PRDM16: variants seen among roughly 807,000 people sequenced by gnomAD.
The protein encoded by PRDM16 is PR/SET domain 16.
In PRDM16, 23 loss-of-function variants were observed where a neutral mutation model predicts 110.6. That is an observed-to-expected ratio of 0.21 (90% CI 0.15 to 0.29). The LOEUF (loss-of-function observed/expected upper bound fraction) is 0.29, where lower values mean the gene tolerates loss of function less well. Among genes scored for constraint, PRDM16 ranks in the 10% least tolerant of loss-of-function variants. PRDM16 has a pLI of 1.00. For missense variants in PRDM16, 1,615 were observed against 1,794.3 expected (o/e 0.90, Z 1.81); for synonymous variants, 799 against 781.8 (o/e 1.02, Z -0.37).
chr1:3,335,440 G>A (rs138795183), intron 3 of PRDM16, among the ~76,000 whole-genome samples: 4 of 152,154 alleles, frequency 2.6e-5, no homozygotes, highest in African/African-American at 9.7e-5. Flanking sequence ...TCCTTAGCCC[G>A]GTCGCGTTAG....
chr1:3,090,891 G>T (rs1642261267), intron 1 of PRDM16, among the ~76,000 whole-genome samples: 1 of 152,188 alleles, frequency 6.6e-6, no homozygotes, highest in South Asian at 2.1e-4. Flanking sequence ...AGAATCTCCA[G>T]GACCTGCTTC....
intron 3 of PRDM16, among the ~76,000 whole-genome samples, chr1:3,327,797 C>G (rs906080822): frequency 6.6e-5 from 10 of 152,202 alleles, no homozygotes; most frequent in Non-Finnish European, 1.5e-4. Context: ...CATGGGGGTC[C>G]CAGAGCCTCA....
chr1:3,316,707 T>C (rs116913227), intron 3 of PRDM16, among the ~76,000 whole-genome samples: 48 of 140,090 alleles, frequency 3.4e-4, no homozygotes, highest in East Asian at 2.5e-3. Flanking sequence ...AACAGTGACA[T>C]AGTGGAGCCA....
chr1:3,134,374 T>C (rs35848773), intron 1 of PRDM16, among the ~76,000 whole-genome samples: 19,891 of 152,288 alleles, frequency 0.13, 1,749 homozygotes, highest in East Asian at 0.24. Flanking sequence ...GCAGCAGGCA[T>C]GGCACGGGCA....
intron 4 of PRDM16, among the ~76,000 whole-genome samples, chr1:3,387,095 G>GTTTC (rs1179377182): frequency 6.6e-6 from 1 of 152,174 alleles, no homozygotes; most frequent in African/African-American, 2.4e-5. Context: ...AGCCAACTGT[G>GTTTC]TTTCCATGGT....
chr1:3,221,658 G>A (rs1187124247), intron 2 of PRDM16, among the ~76,000 whole-genome samples: 2 of 152,128 alleles, frequency 1.3e-5, no homozygotes, highest in African/African-American at 2.4e-5. Context: ...ATGCCTGCCC[G>A]GCCCTGAAAT....
intron 1 of PRDM16, among the ~76,000 whole-genome samples, chr1:3,078,893 T>C (rs1159762793): frequency 5.3e-5 from 8 of 152,250 alleles, no homozygotes; most frequent in Non-Finnish European, 1.0e-4. Flanking sequence ...GGGGAACGCA[T>C]TGAAAAATGC....
chr1:3,325,864 C>T (rs1641878154), intron 3 of PRDM16, among the ~76,000 whole-genome samples: 1 of 151,668 alleles, frequency 6.6e-6, no homozygotes. Flanking sequence ...CTTAGCGGTT[C>T]TCAGTGAGCC....
Position 3,243,445 on chromosome 1 carries a change from C to A in PRDM16, c.388-642C>A, listed in dbSNP as rs973101635. 6.6e-6 allele frequency among the ~76,000 whole-genome samples: 1 copy of A among 152,198 alleles called. No homozygotes were observed. The highest frequency in any genetic ancestry group is 1.5e-5 in the Non-Finnish European group (1 of 68,028). ...CTCCCTCCAGCACCCACCAAGCCAC[C>A]CTTCCGCAGGGCGTTGGCCGACCTC... On this transcript the variant is annotated intron_variant, in intron 2 of 16. Transcript: ENST00000270722. The surrounding 1 kb of genome is among the most constrained non-coding windows in gnomAD (Gnocchi z 5.5).
chr1:3,205,340 G>A (rs1013788451), intron 2 of PRDM16, among the ~76,000 whole-genome samples: 5 of 152,102 alleles, frequency 3.3e-5, no homozygotes, highest in Non-Finnish European at 5.9e-5. Context: ...TCAGCCATCC[G>A]GTCACTCCAC....
chr1:3,369,823 C>T (rs1642878459), intron 3 of PRDM16, among the ~76,000 whole-genome samples: 2 of 152,232 alleles, frequency 1.3e-5, no homozygotes, highest in African/African-American at 4.8e-5. Flanking sequence ...ACCAAGAATC[C>T]TTTGCCAATG....
At chr1:3,386,530 T>C (rs549189773) in intron 4 of PRDM16, 1 of 152,350 alleles carries the variant, frequency 6.6e-6, no homozygotes, top group Non-Finnish European at 1.5e-5. Flanking sequence ...GAATCTACGC[T>C]ACTACCAGGA....
At position 3,409,847 on chromosome 1, in the gene PRDM16, G is replaced by GTGTGGGTGT. The variant is rs1553175985; in HGVS notation, c.1187-1537_1187-1536insTGTGGGTGT. 9.6e-5 allele frequency among the ~76,000 whole-genome samples: 5 copies of GTGTGGGTGT among 51,924 alleles called. No homozygotes were observed. In the East Asian group the frequency reaches 1.8e-3, roughly 19 times the overall value. 34.1% of individuals were successfully genotyped at this position (51,924 alleles called of 152,430 possible). ...TGGTTGTGTGTGGGTGTGTGGTGTGGGTGTGTGTGTGGTGTTTGTGTGCAT... is the reference window on the plus strand; with the variant it reads ...TGGTTGTGTGTGGGTGTGTGGTGTGGTGTGGGTGTGTGTGTGTGTGGTGTTTGTGTGCAT... On this transcript the variant is annotated intron_variant, in intron 8 of 16. Transcript: ENST00000270722.
At chr1:3,156,204 G>A (rs549561223) in intron 1 of PRDM16, among the ~76,000 whole-genome samples, 1 of 152,088 alleles carries the variant, frequency 6.6e-6, no homozygotes, top group East Asian at 1.9e-4. Context: ...TGAGGGTCCC[G>A]GGCTGCTCTG....
rs536843505 is a variant in PRDM16 at position 3,438,172 on chromosome 1, G to GCTT, written c.*4364_*4366dup. On this transcript the variant is annotated 3_prime_UTR_variant, in exon 17 of 17. Transcript: ENST00000270722. ...CCCATGTCCCCCTTGATTGTAAATTGCTTCTGTTCTGTTTATAAGTAAACT... is the reference window on the plus strand; with the variant it reads ...CCCATGTCCCCCTTGATTGTAAATTGCTTCTTCTGTTCTGTTTATAAGTAAACT... The GCTT allele has an allele frequency of 1.3e-4, 27 of 204,446 alleles. No homozygotes were observed. The South Asian group carries it at 3.0e-3, about 23-fold the overall frequency. 12.7% of individuals were successfully genotyped at this position (204,446 alleles called of 1,614,324 possible). A position where few individuals can be genotyped will look rare whatever the true frequency, so the allele number is the denominator to read the frequency against.
intron 1 of PRDM16, among the ~76,000 whole-genome samples, chr1:3,094,055 T>C (rs1642336373): frequency 6.6e-6 from 1 of 152,194 alleles, no homozygotes; most frequent in African/African-American, 2.4e-5. Flanking sequence ...AGCAACGTGG[T>C]CTGGGGAAAG....
At chr1:3,185,469 C>A (rs1644256570) in intron 1 of PRDM16, among the ~76,000 whole-genome samples, 1 of 152,118 alleles carries the variant, frequency 6.6e-6, no homozygotes, top group African/African-American at 2.4e-5. Flanking sequence ...CAGGGATGCC[C>A]AGGCTGCGGC....
chr1:3,191,367 T>C (rs1441727148), intron 2 of PRDM16, among the ~76,000 whole-genome samples: 1 of 152,080 alleles, frequency 6.6e-6, no homozygotes, highest in Admixed American at 6.5e-5. Flanking sequence ...GCCACACCAA[T>C]TCTCTGGCAC....
rs1208631471 is a variant in PRDM16, at chr1:3,303,127, GT to G, written c.438+58995del. 4.6e-5 allele frequency among the ~76,000 whole-genome samples: 7 copies of G among 152,220 alleles called. No individual in the cohort carries two copies. The East Asian group carries it at 1.4e-3, about 29-fold the overall frequency. On this transcript the variant is annotated intron_variant, in intron 3 of 16. Coordinates refer to ENST00000270722, the MANE Select transcript of PRDM16 (RefSeq NM_022114.4). ...TATAATTTTCCCTTTGGAAGTGTTAGTTTTTGGTCACAGAGTGGCACACCAC... is the reference window on the plus strand; with the variant it reads ...TATAATTTTCCCTTTGGAAGTGTTAGTTTTGGTCACAGAGTGGCACACCAC...
Sources: allele counts gnomAD v4.1 joint callset (sites outside exome capture counted in the v4.1 genomes callset), GRCh38; gene constraint gnomAD v4.1.1; non-coding constraint Gnocchi (gnomAD v3.1); transcripts MANE v1.5; gene names NCBI Gene and HGNC (gene_info 2026-07-23, HGNC 2026-07-21).